PTPRD: variants seen among roughly 807,000 people sequenced by gnomAD.
PTPRD encodes the protein protein tyrosine phosphatase receptor type D, also known as receptor-type tyrosine-protein phosphatase delta.
A neutral mutation model predicts 214.5 loss-of-function variants in PTPRD; 34 were observed. The ratio of observed to expected loss-of-function variants is 0.16; its 90% CI spans 0.12 to 0.21. The LOEUF is 0.21. PTPRD is among the 10% of genes least tolerant of loss of function. The pLI, the probability that PTPRD is intolerant of heterozygous loss-of-function variation, is 1.00. For synonymous variants in PTPRD, 1,128 were observed against 845.7 expected (o/e 1.33, Z -5.79); for missense variants, 2,545 against 2,398.7 (o/e 1.06, Z -1.27).
chr9:8,604,315 A>G (rs544041672), intron 14 of PTPRD, among the ~76,000 whole-genome samples: 20 of 152,330 alleles, frequency 1.3e-4, no homozygotes, highest in African/African-American at 4.8e-4. Flanking sequence ...GAAGTAATAT[A>G]TGAGCTAGAT....
intron 5 of PTPRD, among the ~76,000 whole-genome samples, chr9:9,926,059 G>T (rs1275605112): frequency 6.6e-6 from 1 of 151,930 alleles, no homozygotes; most frequent in African/African-American, 2.4e-5. Context: ...TAGACTCCCA[G>T]GCTCAAGCGA....
intron 37 of PTPRD, among the ~76,000 whole-genome samples, chr9:8,385,827 A>G (rs2086809262): frequency 6.6e-6 from 1 of 152,172 alleles, no homozygotes; most frequent in Admixed American, 6.5e-5. Context: ...GTAGGAAAGA[A>G]TCCCATGGTC....
At chr9:10,349,789 A>C (rs2097151319) in intron 2 of PTPRD, among the ~76,000 whole-genome samples, 1 of 152,170 alleles carries the variant, frequency 6.6e-6, no homozygotes, top group South Asian at 2.1e-4. Flanking sequence ...CTAAGTACCC[A>C]TGAATATCTT....
chr9:8,446,402 C>G (rs1414948448), intron 34 of PTPRD, among the ~76,000 whole-genome samples: 1 of 152,180 alleles, frequency 6.6e-6, no homozygotes. Context: ...TATAGAATCA[C>G]TGAACTAAGC....
chr9:8,948,145 G>A (rs1018292228), intron 11 of PTPRD, among the ~76,000 whole-genome samples: 8 of 150,024 alleles, frequency 5.3e-5, no homozygotes, highest in South Asian at 2.1e-4. Context: ...TCAGTTTCCC[G>A]AGTAGCTGGG....
chr9:10,437,195 T>C (rs2098724834), intron 2 of PTPRD, among the ~76,000 whole-genome samples: 1 of 151,842 alleles, frequency 6.6e-6, no homozygotes, highest in African/African-American at 2.4e-5. Context: ...TTGAAATGGT[T>C]TTGGAATCCA....
At chr9:9,150,647 T>A (rs1476901351) in intron 10 of PTPRD, among the ~76,000 whole-genome samples, 1 of 151,674 alleles carries the variant, frequency 6.6e-6, no homozygotes, top group African/African-American at 2.4e-5. Context: ...CCCAGCTAAT[T>A]TTTGTATTTT....
chr9:8,944,009 G>C (rs1446876102), intron 11 of PTPRD, among the ~76,000 whole-genome samples: 1 of 151,806 alleles, frequency 6.6e-6, no homozygotes, highest in Non-Finnish European at 1.5e-5. Flanking sequence ...CATCTGAAAA[G>C]GATTAATAAC....
intron 10 of PTPRD, among the ~76,000 whole-genome samples, chr9:9,049,527 G>A (rs2099680590): frequency 6.6e-6 from 1 of 152,180 alleles, no homozygotes; most frequent in African/African-American, 2.4e-5. Flanking sequence ...ATAGAGTTGA[G>A]CTTATGGGAT....
At chr9:9,489,542 T>C (rs1018086351) in intron 8 of PTPRD, among the ~76,000 whole-genome samples, 1 of 152,086 alleles carries the variant, frequency 6.6e-6, no homozygotes, top group African/African-American at 2.4e-5. Context: ...AGGAGCAAAG[T>C]GGTGATATTG....
chr9:8,683,768 G>A (rs1487755944), intron 12 of PTPRD, among the ~76,000 whole-genome samples: 2 of 152,158 alleles, frequency 1.3e-5, no homozygotes, highest in African/African-American at 2.4e-5. Flanking sequence ...AAGTCGCAAG[G>A]AGACACGGCT....
intron 27 of PTPRD, among the ~76,000 whole-genome samples, chr9:8,487,885 A>G (rs1282504454): frequency 6.6e-6 from 1 of 151,318 alleles, no homozygotes; most frequent in Non-Finnish European, 1.5e-5. Flanking sequence ...GGGAGGGGGG[A>G]AGGCATGGTG....
At chr9:8,747,983 G>A (rs903112434) in intron 11 of PTPRD, among the ~76,000 whole-genome samples, 3 of 152,092 alleles carry the variant, frequency 2.0e-5, no homozygotes, top group Non-Finnish European at 4.4e-5. Flanking sequence ...TCTTCAAATG[G>A]AGCCACAGAT....
chr9:9,038,102 A>G (rs115467585), intron 10 of PTPRD, among the ~76,000 whole-genome samples: 339 of 152,058 alleles, frequency 2.2e-3, no homozygotes, highest in African/African-American at 7.9e-3. Flanking sequence ...CTACATTCCT[A>G]CTCTCTCTTC....
At chr9:8,866,914 A>G (rs2098207687) in intron 11 of PTPRD, among the ~76,000 whole-genome samples, 1 of 152,212 alleles carries the variant, frequency 6.6e-6, no homozygotes, top group South Asian at 2.1e-4. Context: ...AACCTCCAAG[A>G]TATATTTAAT....
intron 9 of PTPRD, among the ~76,000 whole-genome samples, chr9:9,330,411 A>C (rs1202706880): frequency 6.6e-6 from 1 of 152,150 alleles, no homozygotes; most frequent in Non-Finnish European, 1.5e-5. Context: ...AATTAAGTCA[A>C]GTACAGTAAC....
At chr9:9,354,336 T>C (rs570980020) in intron 9 of PTPRD, among the ~76,000 whole-genome samples, 116 of 151,958 alleles carry the variant, frequency 7.6e-4, no homozygotes, top group African/African-American at 2.7e-3. Context: ...AAATAAAATT[T>C]TCTTACTAAA....
intron 5 of PTPRD, among the ~76,000 whole-genome samples, chr9:9,822,583 C>G (rs1267046349): frequency 6.7e-6 from 1 of 149,132 alleles, no homozygotes; most frequent in Non-Finnish European, 1.5e-5. Context: ...TTATTTTTTT[C>G]CTTTCTTCTT....
chr9:9,898,428 T>A (rs983807515), intron 5 of PTPRD, among the ~76,000 whole-genome samples: 2 of 152,078 alleles, frequency 1.3e-5, no homozygotes, highest in Non-Finnish European at 2.9e-5. Context: ...TCATTTCCAC[T>A]GAAATGAGTT....
Sources: allele counts gnomAD v4.1 joint callset (sites outside exome capture counted in the v4.1 genomes callset), GRCh38; gene constraint gnomAD v4.1.1; transcripts MANE v1.5; gene names NCBI Gene and HGNC (gene_info 2026-07-23, HGNC 2026-07-21).